The following GLIS2 variants were observed in gnomAD, a reference collection of about 807,000 sequenced individuals.
GLIS2 encodes GLIS family zinc finger 2.
GLIS2 carries 14 observed loss-of-function variants against 35.6 expected under a neutral mutation model. That is an observed-to-expected ratio of 0.39 (90% confidence interval 0.26 to 0.61). GLIS2 has a LOEUF of 0.61. Among genes scored for constraint, GLIS2 ranks in the 20% least tolerant of loss-of-function variants. The probability of loss-of-function intolerance (pLI) is 0.48; values close to 1 mark genes in which losing one functional copy is unlikely to be tolerated. For synonymous variants in GLIS2, 368 were observed against 325.1 expected, an observed-to-expected ratio of 1.13 and a Z score of -1.42; for missense variants, 675 against 713.4, an observed-to-expected ratio of 0.95 and a Z score of 0.61.
Position 4,332,601 on chromosome 16 carries a change from C to T in GLIS2, c.172+149C>T, listed in dbSNP as rs2053510149. On this transcript the variant is annotated intron_variant, in intron 2 of 6. Coordinates refer to ENST00000433375, the MANE Select transcript of GLIS2 (RefSeq NM_032575.3). The surrounding 1 kb of genome is among the most constrained non-coding windows in gnomAD (Gnocchi z 5.4). ...CCGCACGCTTGTCCTTCCATCCGCC[C>T]AGCATCGTATGTCTGCAGGGAGGTG... is the stretch of plus-strand genomic sequence containing the variant. 2 of 945,484 alleles carry T rather than the reference C, an allele frequency of 2.1e-6. No homozygotes were observed. Among genetic ancestry groups the T allele is most frequent in the Admixed American group, 4.3e-5 (2 of 46,740 alleles). 58.6% of individuals were successfully genotyped at this position (945,484 alleles called of 1,614,324 possible).
At chr16:4,323,457 C>A (rs1385299899) in intron 1 of GLIS2, among the ~76,000 whole-genome samples, 2 of 151,368 alleles carry the variant, frequency 1.3e-5, no homozygotes, top group African/African-American at 4.9e-5. Context: ...AGCGGGCAGG[C>A]AGCGGGGGGG....
At chr16:4,334,773 C>T in intron 3 of GLIS2, 28 bp from the exon 4 acceptor site, 4 of 1,612,682 alleles carry the variant, frequency 2.5e-6, no homozygotes, top group Non-Finnish European at 3.4e-6. Context: ...CCAGCAGGAC[C>T]TTGACTAGCC....
chr16:4,321,365 CT>C (rs2053377841), intron 1 of GLIS2, among the ~76,000 whole-genome samples: 1 of 152,226 alleles, frequency 6.6e-6, no homozygotes, highest in Non-Finnish European at 1.5e-5. Flanking sequence ...TCACATTCCT[CT>C]TTGGGCACGA....
rs996047169 is a variant in GLIS2, at chr16:4,334,913, C to T, written c.458C>T (p.Pro153Leu). 2 of 1,613,202 alleles carry T rather than the reference C, an allele frequency of 1.2e-6. No homozygotes were observed. Among genetic ancestry groups the T allele is most frequent in the Non-Finnish European group, 1.7e-6 (2 of 1,180,030 alleles). Reference protein sequence around the residue: ...HLPASSFLTPPKDKCLSPDLP... With the variant: ...HLPASSFLTPLKDKCLSPDLP... ...CCTGCCTCCTCCTTCCTTACCCCTC[C>T]CAAGGACAAGTGCCTCTCGCCAGAC... The change falls in exon 4 of 7, where the codon CCC (proline) becomes CTC (leucine). Residue 153 changes from proline to leucine, a missense_variant. Transcript: ENST00000433375.
chr16:4,337,817 C>G lies in GLIS2; in HGVS notation c.*293C>G, dbSNP rs988148547. 2 of 558,284 alleles carry G rather than the reference C, an allele frequency of 3.6e-6. No individual in the cohort carries two copies. The highest frequency in any genetic ancestry group is 4.1e-5 in the South Asian group (2 of 49,318). The allele number at this position is 558,284 out of a possible 1,614,324, so 34.6% of individuals were successfully genotyped here. A position where few individuals can be genotyped will look rare whatever the true frequency, so the allele number is the denominator to read the frequency against. On this transcript the variant is annotated 3_prime_UTR_variant, in exon 7 of 7. Transcript: ENST00000433375. ...GAGAGGCTTTCCCCTGCCCGACCTC[C>G]TCCCGTTTCCCTCTCCCACCCTGGC...
At position 4,332,728 on chromosome 16, in the gene GLIS2, A is replaced by G. The variant is rs1473029223; in HGVS notation, c.172+276A>G. 6.6e-6 allele frequency among the ~76,000 whole-genome samples: 1 copy of G among 152,178 alleles called. No individual in the cohort carries two copies. Among genetic ancestry groups the G allele is most frequent in the Non-Finnish European group, 1.5e-5 (1 of 68,034 alleles). ...GTCGGGCAACCAGGCATTCAGAAGG[A>G]GCGGCAGTAGTCCCAGGACCTGCAC... is the stretch of plus-strand genomic sequence containing the variant. On this transcript the variant is annotated intron_variant, in intron 2 of 6. Coordinates refer to ENST00000433375, the MANE Select transcript of GLIS2 (RefSeq NM_032575.3). The surrounding 1 kb of genome is among the most constrained non-coding windows in gnomAD (Gnocchi z 5.4).
rs1040938107 is a variant in GLIS2 at position 4,337,590 on chromosome 16, ACT to A, written c.*69_*70del. On this transcript the variant is annotated 3_prime_UTR_variant, in exon 7 of 7. Transcript: ENST00000433375. ...CCGGCACTGCCCCCGACGAACGGAAACTCTTCTGTGAAATAGCAATAATGTCC... is the reference window on the plus strand; with the variant it reads ...CCGGCACTGCCCCCGACGAACGGAAACTTCTGTGAAATAGCAATAATGTCC... 6.5e-5 allele frequency: 99 copies of A among 1,532,090 alleles called. No homozygotes were observed. Among genetic ancestry groups the A allele is most frequent in the Non-Finnish European group, 8.2e-5 (94 of 1,144,270 alleles). The allele number at this position is 1,532,090 out of a possible 1,614,324, so 94.9% of individuals were successfully genotyped here. A position where few individuals can be genotyped will look rare whatever the true frequency, so the allele number is the denominator to read the frequency against.
intron 1 of GLIS2, among the ~76,000 whole-genome samples, chr16:4,328,585 C>T (rs2053463248): frequency 3.3e-5 from 5 of 152,188 alleles, no homozygotes; most frequent in Admixed American, 3.3e-4. Flanking sequence ...TTCCCGGGGG[C>T]AGGGACGCAG....
chr16:4,331,792 T>C (rs1341275659), intron 1 of GLIS2: 1 of 198,860 alleles, frequency 5.0e-6, no homozygotes, highest in East Asian at 1.2e-4. Context: ...AAAGAAAATT[T>C]TTTTTTTTAA....
Position 4,337,518 on chromosome 16 carries a change from G to C in GLIS2, c.1569G>C (p.Val523=). The C allele has an allele frequency of 6.4e-7, 1 of 1,557,776 alleles. No individual in the cohort carries two copies. The change falls in exon 7 of 7, where the codon GTG becomes GTC. Residue 523 remains valine (V), a synonymous_variant. Coordinates refer to ENST00000433375, the MANE Select transcript of GLIS2 (RefSeq NM_032575.3). ...CGGTGCTGCTCAAACCGGCTGTGGT[G>C]AACTGAGCCCATCCTGCGGACAGTT... The part of the protein sequence containing the change: ...PGSVLLKPAV[V]N
At position 4,338,419 on chromosome 16, in the gene GLIS2, T is replaced by G. The variant is rs560305749; in HGVS notation, c.*895T>G. ...CCTTCTACCCCCGCTGGGCCTGGCC[T>G]GGGCAGCGCCCCCTGCAGAGGCCTT... On this transcript the variant is annotated 3_prime_UTR_variant, in exon 7 of 7. Transcript: ENST00000433375. 6.6e-6 allele frequency: 1 copy of G among 152,598 alleles called. No individual in the cohort carries two copies. Among genetic ancestry groups the G allele is most frequent in the Non-Finnish European group, 1.5e-5 (1 of 68,256 alleles). 9.5% of individuals were successfully genotyped at this position (152,598 alleles called of 1,614,324 possible).
At chr16:4,318,684 C>T (rs931599488) in intron 1 of GLIS2, among the ~76,000 whole-genome samples, 4 of 152,222 alleles carry the variant, frequency 2.6e-5, no homozygotes, top group Non-Finnish European at 4.4e-5. Flanking sequence ...TTCCAAGGCC[C>T]CCACTCTCCC....
At chr16:4,321,538 G>C (rs1454255329) in intron 1 of GLIS2, among the ~76,000 whole-genome samples, 1 of 152,230 alleles carries the variant, frequency 6.6e-6, no homozygotes, top group Non-Finnish European at 1.5e-5. Flanking sequence ...AGTGGTTGGG[G>C]TTGTTGGAGC....
At chr16:4,323,508 G>A (rs1314199319) in intron 1 of GLIS2, among the ~76,000 whole-genome samples, 1 of 152,226 alleles carries the variant, frequency 6.6e-6, no homozygotes, top group Non-Finnish European at 1.5e-5. Context: ...ACCAGGATGG[G>A]GAGGCCTCTG....
intron 6 of GLIS2, chr16:4,336,419 T>G (rs2053551921): frequency 1.8e-6 from 1 of 555,634 alleles, no homozygotes; most frequent in Admixed American, 3.1e-5. Context: ...AGTGCTGAAA[T>G]TACAGGCGTG....
chr16:4,336,643 C>T lies in GLIS2; in HGVS notation c.776-82C>T, dbSNP rs62037614. 348 of 1,393,020 alleles carry T rather than the reference C, an allele frequency of 2.5e-4. 1 individual carries two copies. The highest frequency in any genetic ancestry group is 4.4e-4 in the South Asian group (36 of 80,998). The allele number at this position is 1,393,020 out of a possible 1,614,324, so 86.3% of individuals were successfully genotyped here. A position where few individuals can be genotyped will look rare whatever the true frequency, so the allele number is the denominator to read the frequency against. ...CTATGTTCCCAGGGAGTGCTTGGCC[C>T]GGGGAAATGTTGAGTGCATGGGGTG... On this transcript the variant is annotated intron_variant, in intron 6 of 6. Transcript: ENST00000433375.
At position 4,337,806 on chromosome 16, in the gene GLIS2, T is replaced by C; in HGVS notation, c.*282T>C. ...CCTCAGCTTCTGAGAGGCTTTCCCC[T>C]GCCCGACCTCCTCCCGTTTCCCTCT... On this transcript the variant is annotated 3_prime_UTR_variant, in exon 7 of 7. Coordinates refer to ENST00000433375, the MANE Select transcript of GLIS2 (RefSeq NM_032575.3). The C allele has an allele frequency of 1.8e-6, 1 of 562,576 alleles. No homozygotes were observed. Among genetic ancestry groups the C allele is most frequent in the East Asian group, 3.0e-5 (1 of 32,846 alleles). The allele number at this position is 562,576 out of a possible 1,614,324, so 34.8% of individuals were successfully genotyped here. A position where few individuals can be genotyped will look rare whatever the true frequency, so the allele number is the denominator to read the frequency against.
In GLIS2 at chr16:4,339,042, CCCCA is replaced by C. The variant is rs2053594825; in HGVS notation, c.*1522_*1525del. 1 of 152,446 alleles carries C rather than the reference CCCCA, an allele frequency of 6.6e-6. No individual in the cohort carries two copies. The highest frequency in any genetic ancestry group is 2.4e-5 in the African/African-American group (1 of 41,480). 9.4% of individuals were successfully genotyped at this position (152,446 alleles called of 1,614,324 possible). A position where few individuals can be genotyped will look rare whatever the true frequency, so the allele number is the denominator to read the frequency against. On this transcript the variant is annotated 3_prime_UTR_variant, in exon 7 of 7. Transcript: ENST00000433375. ...GCAGGTCCTCTGGCAGCTCTGCTGACCCCACCCTCTCCCGGACTGCCCTTCTGTC... is the reference window on the plus strand; with the variant it reads ...GCAGGTCCTCTGGCAGCTCTGCTGACCCCTCTCCCGGACTGCCCTTCTGTC...
chr16:4,337,851 C>T lies in GLIS2; in HGVS notation c.*327C>T, dbSNP rs1453811572. On this transcript the variant is annotated 3_prime_UTR_variant, in exon 7 of 7. Transcript: ENST00000433375. ...CCCTCTCCCACCCTGGCACCTCCCT[C>T]ACCTAGTGACCACCCATGGCAAGTT... 8.0e-6 allele frequency: 4 copies of T among 502,820 alleles called. No individual in the cohort carries two copies. Among genetic ancestry groups the T allele is most frequent in the African/African-American group, 7.7e-5 (4 of 51,742 alleles). The allele number at this position is 502,820 out of a possible 1,614,324, so 31.1% of individuals were successfully genotyped here.
Sources: gnomAD v4.1 joint callset for allele counts (sites outside exome capture counted in the v4.1 genomes callset) on GRCh38, gnomAD v4.1.1 for gene constraint, Gnocchi (gnomAD v3.1) non-coding constraint, MANE v1.5 for transcripts, NCBI Gene and HGNC (gene_info 2026-07-23, HGNC 2026-07-21) for gene names.